Variants in PATJ observed in about 807,000 individuals in gnomAD.
The protein encoded by PATJ is inaD-like protein.
In PATJ, 190 loss-of-function variants were observed where a neutral mutation model predicts 224.9. The ratio of observed to expected loss-of-function variants is 0.84; its 90% CI spans 0.75 to 0.95. The LOEUF is 0.95. Among genes scored for constraint, PATJ ranks in the 40% least tolerant of loss-of-function variants. The pLI is 0.00. For missense variants in PATJ, 2,121 were observed against 2,270.3 expected (o/e 0.93, Z 1.34); for synonymous variants, 769 against 820.3 (o/e 0.94, Z 1.07).
At chr1:62,110,721 G>A (rs1047481663) in intron 34 of PATJ, among the ~76,000 whole-genome samples, 5 of 152,150 alleles carry the variant, frequency 3.3e-5, no homozygotes, top group African/African-American at 1.2e-4. Flanking sequence ...ATAAAATGTG[G>A]AGGAACTGCT....
intron 34 of PATJ, among the ~76,000 whole-genome samples, chr1:62,110,517 C>T (rs1358937575): frequency 6.6e-6 from 1 of 152,094 alleles, no homozygotes; most frequent in Non-Finnish European, 1.5e-5. Context: ...TAGAACATGC[C>T]AGATTTTGCT....
intron 27 of PATJ, among the ~76,000 whole-genome samples, chr1:61,940,082 TTCAGCATTTTTTAC>T (rs1677572199): frequency 6.6e-6 from 1 of 152,168 alleles, no homozygotes; most frequent in Non-Finnish European, 1.5e-5. Context: ...AGATGTTTAC[TTCAGCATTTTTTAC>T]TAATAGCAAT....
intron 37 of PATJ, among the ~76,000 whole-genome samples, chr1:62,119,965 A>C: frequency 6.6e-6 from 1 of 152,184 alleles, no homozygotes; most frequent in South Asian, 2.1e-4. Context: ...AATGCAATAA[A>C]GGTCTTGGCA....
chr1:62,013,582 C>G, intron 28 of PATJ: 1 of 852,184 alleles, frequency 1.2e-6, no homozygotes, highest in Non-Finnish European at 1.4e-6. Context: ...ACTGACTTTA[C>G]CATGTTGTGT....
At chr1:61,929,609 G>A (rs1027212407) in intron 27 of PATJ, among the ~76,000 whole-genome samples, 4 of 152,196 alleles carry the variant, frequency 2.6e-5, no homozygotes, top group Admixed American at 6.5e-5. Context: ...ATTAAAGAAT[G>A]TGTCCAAAGT....
At chr1:61,929,658 A>G (rs1487376462) in intron 27 of PATJ, among the ~76,000 whole-genome samples, 3 of 152,232 alleles carry the variant, frequency 2.0e-5, no homozygotes, top group Non-Finnish European at 1.5e-5. Flanking sequence ...GTTCAAACCC[A>G]TGTACTCTTA....
chr1:61,820,151 C>T lies in PATJ; in HGVS notation c.1684-2794C>T, dbSNP rs1047639880. 4.0e-5 allele frequency among the ~76,000 whole-genome samples: 6 copies of T among 151,726 alleles called. No homozygotes were observed. The South Asian group carries it at 8.3e-4, about 21-fold the overall frequency. On this transcript the variant is annotated intron_variant, in intron 14 of 43. Transcript: ENST00000642238. ...CTGCCTCCTGGATTCGAGGAATTAT[C>T]CTGCCTCAGCCTCCCAAGTAGCTGG...
chr1:61,811,046 C>A (rs952771724), intron 14 of PATJ, among the ~76,000 whole-genome samples: 1 of 152,116 alleles, frequency 6.6e-6, no homozygotes, highest in Non-Finnish European at 1.5e-5. Flanking sequence ...AATTTCATAG[C>A]TGTGTAATCT....
Position 62,162,909 on chromosome 1 carries a change from T to C in PATJ, c.*1855T>C. The C allele has an allele frequency of 2.7e-6, 1 of 370,416 alleles. No homozygotes were observed. The highest frequency in any genetic ancestry group is 5.2e-6 in the Non-Finnish European group (1 of 190,512). The allele number at this position is 370,416 out of a possible 1,614,324, so 22.9% of individuals were successfully genotyped here. On this transcript the variant is annotated 3_prime_UTR_variant, in exon 44 of 44. Transcript: ENST00000642238. ...TTGCAGTGAGCCAAGTTCGTGCCAC[T>C]CCACTCCAGCCTGGGTGACAGAGCA...
chr1:61,812,238 GCCAAA>G (rs1215592363), intron 14 of PATJ, among the ~76,000 whole-genome samples: 1 of 151,914 alleles, frequency 6.6e-6, no homozygotes, highest in Non-Finnish European at 1.5e-5. Context: ...CTCTTGTTAT[GCCAAA>G]ATTTGATTAA....
chr1:62,128,567 G>A (rs1160906767), intron 40 of PATJ: 2 of 410,820 alleles, frequency 4.9e-6, no homozygotes, highest in African/African-American at 3.9e-5. Context: ...CTGGCAAATG[G>A]TTGTATGAAA....
intron 27 of PATJ, among the ~76,000 whole-genome samples, chr1:61,987,054 A>G (rs1644801556): frequency 6.6e-6 from 1 of 151,842 alleles, no homozygotes; most frequent in African/African-American, 2.4e-5. Context: ...TAGAATTATA[A>G]TTTTTATTCA....
At chr1:61,783,514 C>T (rs1200407228) in intron 7 of PATJ, among the ~76,000 whole-genome samples, 1 of 150,840 alleles carries the variant, frequency 6.6e-6, no homozygotes, top group East Asian at 1.9e-4. Flanking sequence ...CTGCAGCCTC[C>T]AACTCCTGAC....
intron 25 of PATJ, among the ~76,000 whole-genome samples, chr1:61,912,005 A>AAT (rs140063491): frequency 2.6e-4 from 39 of 148,956 alleles, no homozygotes; most frequent in African/African-American, 7.6e-4. Flanking sequence ...ATTCTATATT[A>AAT]ATATATATAT....
chr1:61,939,039 CT>C (rs1230598276), intron 27 of PATJ, among the ~76,000 whole-genome samples: 2 of 145,984 alleles, frequency 1.4e-5, no homozygotes, highest in Non-Finnish European at 3.0e-5. Flanking sequence ...AGGAGAATCG[CT>C]TGAACCCAGG....
At chr1:61,855,332 C>T (rs545301429) in intron 17 of PATJ, among the ~76,000 whole-genome samples, 3 of 152,120 alleles carry the variant, frequency 2.0e-5, no homozygotes, top group Non-Finnish European at 4.4e-5. Flanking sequence ...ATTTTGGGCA[C>T]TCAGACATGC....
intron 10 of PATJ, among the ~76,000 whole-genome samples, chr1:61,796,367 G>T (rs937802788): frequency 3.3e-5 from 5 of 152,224 alleles, no homozygotes; most frequent in Admixed American, 2.6e-4. Context: ...AGGGAGATCA[G>T]TGTGTTTCTT....
rs747269334 is a variant in PATJ at position 61,833,739 on chromosome 1, T to C, written c.2066T>C (p.Leu689Pro). The C allele has an allele frequency of 2.0e-5, 32 of 1,613,642 alleles. No homozygotes were observed. Among genetic ancestry groups the C allele is most frequent in the Non-Finnish European group, 2.6e-5 (31 of 1,179,644 alleles). Residue 689 changes from leucine to proline, a missense_variant, in exon 17 of 44, where the codon CTA (leucine) becomes CCA (proline). Physicochemically the swap from Leu to Pro is moderately conservative, Grantham distance 98. Transcript: ENST00000642238. ...LWSPEVKIVELVKDCKGLGFS... is the reference protein window; with the variant it reads ...LWSPEVKIVEPVKDCKGLGFS... ...TCCCCTGAAGTCAAGATTGTTGAACTAGTAAAAGATTGTAAAGGTTTGGGA... is the reference window on the plus strand; with the variant it reads ...TCCCCTGAAGTCAAGATTGTTGAACCAGTAAAAGATTGTAAAGGTTTGGGA...
rs768881517 is a variant in PATJ at position 61,861,656 on chromosome 1, G to A, written c.2428G>A (p.Glu810Lys). 9.4e-6 allele frequency: 13 copies of A among 1,381,070 alleles called. No homozygotes were observed. The highest frequency in any genetic ancestry group is 2.6e-5 in the Admixed American group (1 of 38,336). 85.6% of individuals were successfully genotyped at this position (1,381,070 alleles called of 1,614,324 possible). ...TGATATAAATTCATCTTTAATACTCGAAGCACCCAAGGTATTTAATAAATT... is the reference window on the plus strand; with the variant it reads ...TGATATAAATTCATCTTTAATACTCAAAGCACCCAAGGTATTTAATAAATT... ...IHDINSSLIL[E>K]APKGFRDEPY... The change falls in exon 19 of 44, where the codon GAA becomes AAA. Residue 810 changes from glutamate to lysine, a missense_variant. Physicochemically the swap from Glu to Lys is moderately conservative, Grantham distance 56. Coordinates refer to ENST00000642238, the MANE Select transcript of PATJ (RefSeq NM_001350145.3).
Sources: allele counts gnomAD v4.1 joint callset (sites outside exome capture counted in the v4.1 genomes callset), GRCh38; gene constraint gnomAD v4.1.1; transcripts MANE v1.5; gene names NCBI Gene and HGNC (gene_info 2026-07-23, HGNC 2026-07-21).